Variants in SULT1C2 observed in about 807,000 individuals in gnomAD.
The protein encoded by SULT1C2 is sulfotransferase 1C2.
A neutral mutation model predicts 36.0 loss-of-function variants in SULT1C2; 27 were observed. The ratio of observed to expected loss-of-function variants is 0.75; its 90% CI spans 0.55 to 1.03. SULT1C2 has a LOEUF of 1.03. Ranked by LOEUF, SULT1C2 falls within the 50% of genes least tolerant of loss-of-function variation. SULT1C2 has a pLI of 0.00. For missense variants in SULT1C2, 395 were observed against 359.2 expected (o/e 1.10, Z -0.80); for synonymous variants, 121 against 116.0 (o/e 1.04, Z -0.27).
At position 108,300,926 on chromosome 2, in the gene SULT1C2, C is replaced by G. The variant is rs1490888352; in HGVS notation, c.366C>G (p.Asn122Lys). 21 of 1,614,138 alleles carry G rather than the reference C, an allele frequency of 1.3e-5. No individual in the cohort carries two copies. The highest frequency in any genetic ancestry group is 1.7e-5 in the Non-Finnish European group (20 of 1,180,002). The change falls in exon 4 of 8, where the codon AAC becomes AAG. Residue 122 changes from asparagine (N) to lysine (K), a missense_variant. Transcript: ENST00000251481. ...TGCTGCCACCGTCTTTCTGGGAAAA[C>G]AACTGCAAGGTAAGATACCAACAGC... The part of the protein sequence containing the change: ...TQLLPPSFWE[N>K]NCKFLYVARN...
At chr2:108,293,465 A>G (rs1280947923) in intron 1 of SULT1C2, among the ~76,000 whole-genome samples, 182 bp from the exon 2 acceptor site, 1 of 152,224 alleles carries the variant, frequency 6.6e-6, no homozygotes, top group Non-Finnish European at 1.5e-5. Flanking sequence ...TAATAGATAC[A>G]GAGTTTCTGT....
rs1428388936 is a variant in SULT1C2 at position 108,304,586 on chromosome 2, G to A, written c.388G>A (p.Ala130Thr). 1 of 1,603,804 alleles carries A rather than the reference G, an allele frequency of 6.2e-7. No individual in the cohort carries two copies. Among genetic ancestry groups the A allele is most frequent in the Non-Finnish European group, 8.5e-7 (1 of 1,177,060 alleles). Residue 130 changes from alanine to threonine, a missense_variant, in exon 5 of 8, where the codon GCT becomes ACT. Coordinates refer to ENST00000251481, the MANE Select transcript of SULT1C2 (RefSeq NM_001056.4). The part of the protein sequence containing the change: ...WENNCKFLYV[A>T]RNAKDCMVSY... ...TCTTACCCCAAAGTTCCTTTATGTA[G>A]CTCGAAATGCCAAAGACTGTATGGT... is the stretch of plus-strand genomic sequence containing the variant.
intron 3 of SULT1C2, among the ~76,000 whole-genome samples, chr2:108,297,245 G>C (rs1676754804): frequency 6.6e-6 from 1 of 152,118 alleles, no homozygotes; most frequent in Non-Finnish European, 1.5e-5. Flanking sequence ...CAAGCATGGA[G>C]GGCTACTGGC....
At position 108,305,464 on chromosome 2, in the gene SULT1C2, T is replaced by C. The variant is rs761080156; in HGVS notation, c.647T>C (p.Val216Ala). 5 of 1,614,110 alleles carry C rather than the reference T, an allele frequency of 3.1e-6. No individual in the cohort carries two copies. The African/African-American group carries it at 4.0e-5, about 13-fold the overall frequency. ...RKVMQFMGKK[V>A]DETVLDKIVQ... ...GTGATGCAGTTCATGGGAAAGAAGGTGGATGAAACAGTGCTAGATAAAATT... is the reference window on the plus strand; with the variant it reads ...GTGATGCAGTTCATGGGAAAGAAGGCGGATGAAACAGTGCTAGATAAAATT... The change falls in exon 7 of 8, where the codon GTG becomes GCG. Residue 216 changes from valine (V) to alanine (A), a missense_variant. Physicochemically the swap from Val to Ala is moderately conservative, Grantham distance 64 (BLOSUM62 0). Coordinates refer to ENST00000251481, the MANE Select transcript of SULT1C2 (RefSeq NM_001056.4).
rs1676662756 is a variant in SULT1C2, at chr2:108,294,075, C to G, written c.152-154C>G. 2.1e-6 allele frequency: 3 copies of G among 1,399,816 alleles called. No homozygotes were observed. In the East Asian group the frequency reaches 6.9e-5, roughly 32 times the overall value. 86.7% of individuals were successfully genotyped at this position (1,399,816 alleles called of 1,614,324 possible). A position where few individuals can be genotyped will look rare whatever the true frequency, so the allele number is the denominator to read the frequency against. ...CTACAGAGATCCAAAGTCCATCCCT[C>G]ATGGACTTCTATCACTCATGGCAAA... On this transcript the variant is annotated intron_variant, in intron 2 of 7. Coordinates refer to ENST00000251481, the MANE Select transcript of SULT1C2 (RefSeq NM_001056.4).
chr2:108,296,923 T>C (rs3769775), intron 3 of SULT1C2, among the ~76,000 whole-genome samples: 7,921 of 152,258 alleles, frequency 0.052, 528 homozygotes, highest in African/African-American at 0.16. Context: ...GTGCCCTGCA[T>C]GGTCAGTCTC....
intron 7 of SULT1C2, 156 bp downstream of exon 7, chr2:108,305,751 G>C: frequency 1.1e-6 from 1 of 950,176 alleles, no homozygotes. Context: ...TCCTGTTGTA[G>C]AAGAGAGCTT....
Position 108,294,775 on chromosome 2 carries a change from C to CAT in SULT1C2, c.277+423_277+424dup, listed in dbSNP as rs572497293. Among the ~76,000 whole-genome samples, 51 of 152,126 alleles carry CAT rather than the reference C, an allele frequency of 3.4e-4. 1 individual carries two copies. The South Asian group carries it at 0.01, about 30-fold the overall frequency. ...TCCAAGAATCGATAATTCACACACA[C>CAT]ATACACACACACACACACACACCCC... is the stretch of plus-strand genomic sequence containing the variant. On this transcript the variant is annotated intron_variant, in intron 3 of 7. Coordinates refer to ENST00000251481, the MANE Select transcript of SULT1C2 (RefSeq NM_001056.4).
intron 5 of SULT1C2, 50 bp from the exon 6 acceptor site, chr2:108,305,122 G>A (rs1676987925): frequency 6.2e-7 from 1 of 1,605,114 alleles, no homozygotes; most frequent in Non-Finnish European, 8.5e-7. Context: ...TACTCAGAAG[G>A]TTTTGTGTGA....
intron 4 of SULT1C2, 137 bp from the exon 5 acceptor site, chr2:108,304,437 A>C: frequency 1.1e-6 from 1 of 902,804 alleles, no homozygotes; most frequent in Admixed American, 2.8e-5. Context: ...GGGAGGTCAC[A>C]AGGCCAAGTC....
chr2:108,294,110 G>T, intron 2 of SULT1C2, 119 bp from the exon 3 acceptor site: 1 of 1,513,110 alleles, frequency 6.6e-7, no homozygotes. Context: ...ACAGGATTCT[G>T]ACCCAAGGGG....
intron 4 of SULT1C2, chr2:108,303,688 G>A (rs897456218): frequency 1.3e-5 from 2 of 152,148 alleles, no homozygotes; most frequent in Non-Finnish European, 2.9e-5. Flanking sequence ...CCTGACATTT[G>A]GGGCAGATTT....
At position 108,300,855 on chromosome 2, in the gene SULT1C2, G is replaced by T; in HGVS notation, c.295G>T (p.Ala99Ser). 1 of 1,614,128 alleles carries T rather than the reference G, an allele frequency of 6.2e-7. No individual in the cohort carries two copies. The highest frequency in any genetic ancestry group is 8.5e-7 in the Non-Finnish European group (1 of 1,180,018). The change falls in exon 4 of 8, where the codon GCA (alanine) becomes TCA (serine). Residue 99 changes from alanine to serine, a missense_variant. Coordinates refer to ENST00000251481, the MANE Select transcript of SULT1C2 (RefSeq NM_001056.4). Reference sequence around the variant, plus strand: ...TTTTAAAGGTGTGGAAAAAGCCAAAGCAATGCCCTCTCCACGGATACTAAA... The same window carrying T: ...TTTTAAAGGTGTGGAAAAAGCCAAATCAATGCCCTCTCCACGGATACTAAA... ...PQPSGVEKAK[A>S]MPSPRILKTH...
At chr2:108,293,391 A>G (rs1328979881) in intron 1 of SULT1C2, among the ~76,000 whole-genome samples, 1 of 152,094 alleles carries the variant, frequency 6.6e-6, no homozygotes, top group African/African-American at 2.4e-5. Flanking sequence ...CATAGAGTCC[A>G]TAGAGACAGA....
intron 4 of SULT1C2, chr2:108,301,288 A>C (rs1401214196): frequency 4.9e-6 from 1 of 205,096 alleles, no homozygotes; most frequent in Admixed American, 5.7e-5. Context: ...AGAGGAAAAA[A>C]GCTAAAGCTC....
At chr2:108,295,816 T>G (rs1573246267) in intron 3 of SULT1C2, among the ~76,000 whole-genome samples, 3 of 152,310 alleles carry the variant, frequency 2.0e-5, no homozygotes, top group Admixed American at 2.0e-4. Context: ...TATTTAAAGA[T>G]GGAGGCTAGC....
intron 3 of SULT1C2, 89 bp from the exon 4 acceptor site, chr2:108,300,749 T>G: frequency 6.6e-7 from 1 of 1,526,182 alleles, no homozygotes; most frequent in South Asian, 1.3e-5. Context: ...GACAGGTGGG[T>G]GATGGGATGT....
chr2:108,291,803 A>G (rs570106986), intron 1 of SULT1C2, among the ~76,000 whole-genome samples: 3 of 152,338 alleles, frequency 2.0e-5, no homozygotes, highest in South Asian at 2.1e-4. Flanking sequence ...GACCTAACAT[A>G]GAAGGCCTGC....
rs1182488392 is a variant in SULT1C2 at position 108,294,087 on chromosome 2, T to C, written c.152-142T>C. 4 of 1,464,176 alleles carry C rather than the reference T, an allele frequency of 2.7e-6. No individual in the cohort carries two copies. The Admixed American group carries it at 8.7e-5, about 32-fold the overall frequency. The allele number at this position is 1,464,176 out of a possible 1,614,324, so 90.7% of individuals were successfully genotyped here. A position where few individuals can be genotyped will look rare whatever the true frequency, so the allele number is the denominator to read the frequency against. On this transcript the variant is annotated intron_variant, in intron 2 of 7. Coordinates refer to ENST00000251481, the MANE Select transcript of SULT1C2 (RefSeq NM_001056.4). ...AAAGTCCATCCCTCATGGACTTCTA[T>C]CACTCATGGCAAACAGGATTCTGAC...
Sources: gnomAD v4.1 joint callset for allele counts (sites outside exome capture counted in the v4.1 genomes callset) on GRCh38, gnomAD v4.1.1 for gene constraint, MANE v1.5 for transcripts, NCBI Gene and HGNC (gene_info 2026-07-23, HGNC 2026-07-21) for gene names.